The following CACNA1C variants were observed in gnomAD, a reference collection of about 807,000 sequenced individuals.
CACNA1C encodes voltage-dependent L-type calcium channel subunit alpha-1C.
Under a neutral mutation model 229.0 loss-of-function variants are expected in CACNA1C, and 30 were observed. That is an observed-to-expected ratio of 0.13 (90% CI 0.10 to 0.18). The LOEUF (loss-of-function observed/expected upper bound fraction) is 0.18. Ranked by LOEUF, CACNA1C falls within the 10% of genes least tolerant of loss-of-function variation. The pLI is 1.00. For missense variants in CACNA1C, 1,658 were observed against 2,845.0 expected, an observed-to-expected ratio of 0.58 and a Z score of 9.49; for synonymous variants, 1,114 against 1,132.5, an observed-to-expected ratio of 0.98 and a Z score of 0.33.
At chr12:2,073,318 C>T (rs2062028072) in intron 1 of CACNA1C, among the ~76,000 whole-genome samples, 1 of 152,228 alleles carries the variant, frequency 6.6e-6, no homozygotes, top group Admixed American at 6.5e-5. Flanking sequence ...CTTTGGTTGT[C>T]ACCTTACCCT....
At chr12:2,627,055 C>T (rs1414854105) in intron 29 of CACNA1C, among the ~76,000 whole-genome samples, 2 of 152,158 alleles carry the variant, frequency 1.3e-5, no homozygotes, top group Non-Finnish European at 2.9e-5. Flanking sequence ...AGCAGCCCCC[C>T]TCGCCTCCAC....
At chr12:2,374,749 T>C (rs1382455016) in intron 3 of CACNA1C, among the ~76,000 whole-genome samples, 1 of 152,210 alleles carries the variant, frequency 6.6e-6, no homozygotes, top group African/African-American at 2.4e-5. Context: ...GGATGACACA[T>C]TAGCATTAGG....
chr12:2,297,282 A>G (rs1010890418), intron 3 of CACNA1C, among the ~76,000 whole-genome samples: 13 of 152,234 alleles, frequency 8.5e-5, no homozygotes, highest in Non-Finnish European at 1.8e-4. Context: ...CACCAGAGGC[A>G]TTTAAAGGCT....
At position 2,189,809 on chromosome 12, in the gene CACNA1C, G is replaced by A. The variant is rs74806527; in HGVS notation, c.477+69379G>A. On this transcript the variant is annotated intron_variant, in intron 3 of 46. Coordinates refer to ENST00000399655, the MANE Select transcript of CACNA1C (RefSeq NM_000719.7). ...CAACTAGTGATATTTAAAGAAGAAAGAAAAAAACTCACAAAAGTACTTGAG... is the reference window on the plus strand; with the variant it reads ...CAACTAGTGATATTTAAAGAAGAAAAAAAAAAACTCACAAAAGTACTTGAG... 6.5e-3 allele frequency among the ~76,000 whole-genome samples: 308 copies of A among 47,454 alleles called. 2 individuals are homozygous for A. The highest frequency in any genetic ancestry group is 0.049 in the African/African-American group (292 of 5,964). 31.1% of individuals were successfully genotyped at this position (47,454 alleles called of 152,430 possible).
chr12:2,252,898 C>T (rs1164344853), intron 3 of CACNA1C, among the ~76,000 whole-genome samples: 9 of 149,582 alleles, frequency 6.0e-5, no homozygotes. Flanking sequence ...CCCATACATT[C>T]GAGTTAGCTT....
intron 1 of CACNA1C, chr12:1,993,517 C>G: frequency 1.7e-6 from 2 of 1,154,490 alleles, no homozygotes; most frequent in Middle Eastern, 2.9e-4. Context: ...ATATAAGCAG[C>G]CTGTACACGT....
chr12:2,502,693 C>A (rs2099763381), intron 7 of CACNA1C, among the ~76,000 whole-genome samples: 1 of 152,178 alleles, frequency 6.6e-6, no homozygotes, highest in Non-Finnish European at 1.5e-5. Context: ...ACCAGTCAGA[C>A]TAGCTAGGTG....
chr12:2,234,259 T>C (rs939777362), intron 3 of CACNA1C, among the ~76,000 whole-genome samples: 1 of 152,192 alleles, frequency 6.6e-6, no homozygotes, highest in Admixed American at 6.5e-5. Flanking sequence ...GGTTCCTTTC[T>C]GGCATGTGTT....
Position 2,566,323 on chromosome 12 carries a change from A to T in CACNA1C, c.1509-99A>T. The T allele has an allele frequency of 8.7e-7, 1 of 1,155,170 alleles. No homozygotes were observed. Among genetic ancestry groups the T allele is most frequent in the Non-Finnish European group, 1.2e-6 (1 of 819,358 alleles). 71.6% of individuals were successfully genotyped at this position (1,155,170 alleles called of 1,614,324 possible). Reference sequence around the variant, plus strand: ...GATTGGGCTGCTCTAGCAAGGCCAGATCAGTGAGGGGCGAGAAGAGCCATG... The same window carrying T: ...GATTGGGCTGCTCTAGCAAGGCCAGTTCAGTGAGGGGCGAGAAGAGCCATG... On this transcript the variant is annotated intron_variant, in intron 11 of 46. Transcript: ENST00000399655. This position sits in a 1 kb window ranked among gnomAD's most constrained non-coding sequence, Gnocchi z 4.0.
chr12:2,384,100 G>A (rs556473080), intron 3 of CACNA1C, among the ~76,000 whole-genome samples: 1 of 152,320 alleles, frequency 6.6e-6, no homozygotes, highest in African/African-American at 2.4e-5. Flanking sequence ...CAGACAAGCT[G>A]CCTTCCTTCT....
chr12:2,522,322 T>C (rs147478187), intron 9 of CACNA1C, among the ~76,000 whole-genome samples: 19 of 152,356 alleles, frequency 1.2e-4, no homozygotes, highest in African/African-American at 4.6e-4. Context: ...CAATGATTTC[T>C]ATTTCACAGA....
chr12:2,386,301 G>A (rs1483686848), intron 3 of CACNA1C, among the ~76,000 whole-genome samples: 1 of 152,122 alleles, frequency 6.6e-6, no homozygotes, highest in African/African-American at 2.4e-5. Flanking sequence ...TTTTTTTAAA[G>A]CTCCTCCGGT....
intron 1 of CACNA1C, among the ~76,000 whole-genome samples, chr12:2,036,870 C>T (rs1806262923): frequency 6.6e-6 from 1 of 152,190 alleles, no homozygotes; most frequent in Admixed American, 6.5e-5. Context: ...TACAGAGTAG[C>T]TGCTTAGTCT....
At chr12:2,361,979 C>G (rs1469947309) in intron 3 of CACNA1C, among the ~76,000 whole-genome samples, 1 of 152,222 alleles carries the variant, frequency 6.6e-6, no homozygotes, top group Non-Finnish European at 1.5e-5. Flanking sequence ...TGTCTTGAGT[C>G]TGGATTTCCT....
At chr12:2,101,011 AAAAAAAG>A (rs938983076) in intron 1 of CACNA1C, among the ~76,000 whole-genome samples, 8 of 151,950 alleles carry the variant, frequency 5.3e-5, no homozygotes, top group Non-Finnish European at 1.0e-4. Context: ...CAAAAAAAAA[AAAAAAAG>A]AAAAAAGAAA....
At chr12:2,648,787 G>A (rs1005221452) in intron 31 of CACNA1C, among the ~76,000 whole-genome samples, 2 of 152,152 alleles carry the variant, frequency 1.3e-5, no homozygotes, top group Admixed American at 6.5e-5. Context: ...AATGGGACCC[G>A]AGGTCCATTT....
At chr12:2,454,315 C>T (rs548423233) in intron 4 of CACNA1C, among the ~76,000 whole-genome samples, 1 of 152,134 alleles carries the variant, frequency 6.6e-6, no homozygotes, top group Non-Finnish European at 1.5e-5. Flanking sequence ...AGCCAATATC[C>T]CTGTCACCAC....
Position 1,997,031 on chromosome 12 carries a change from A to G in CACNA1C, c.139+25830A>G, listed in dbSNP as rs374555105. Among the ~76,000 whole-genome samples the G allele has an allele frequency of 7.2e-5, 11 of 152,228 alleles. No homozygotes were observed. In the East Asian group the frequency reaches 1.2e-3, roughly 16 times the overall value. ...TTTATGTGAATGTTTATGTGAATGA[A>G]AAGTTTATTTATTGAGCCAATATAC... On this transcript the variant is annotated intron_variant, in intron 1 of 46. Transcript: ENST00000682462.
At chr12:2,545,033 C>CT (rs2099878472) in intron 9 of CACNA1C, among the ~76,000 whole-genome samples, 1 of 152,112 alleles carries the variant, frequency 6.6e-6, no homozygotes, top group South Asian at 2.1e-4. Flanking sequence ...TGATCATGAC[C>CT]TTTTTTGGTG....
Sources: gnomAD v4.1 joint callset for allele counts (sites outside exome capture counted in the v4.1 genomes callset) on GRCh38, gnomAD v4.1.1 for gene constraint, Gnocchi (gnomAD v3.1) non-coding constraint, MANE v1.5 for transcripts, NCBI Gene and HGNC (gene_info 2026-07-23, HGNC 2026-07-21) for gene names.